The following MAF variants were observed in gnomAD, a reference collection of about 807,000 sequenced individuals.
MAF encodes MAF bZIP transcription factor.
Under a neutral mutation model 22.0 loss-of-function variants are expected in MAF, and 10 were observed. That is an observed-to-expected ratio of 0.45 (90% CI 0.28 to 0.77). The LOEUF (loss-of-function observed/expected upper bound fraction) is 0.77. Ranked by LOEUF, MAF falls within the 30% of genes least tolerant of loss-of-function variation. The pLI, the probability that MAF is intolerant of heterozygous loss-of-function variation, is 0.12. For missense variants in MAF, 544 were observed against 548.4 expected, an observed-to-expected ratio of 0.99 and a Z score of 0.08; for synonymous variants, 337 against 255.8, an observed-to-expected ratio of 1.32 and a Z score of -3.03.
the MAF span, among the ~76,000 whole-genome samples, chr16:79,431,665 C>T: frequency 0.32 from 48,999 of 152,042 alleles, 8,842 homozygotes; most frequent in African/African-American, 0.47. Flanking sequence ...GAATGCTAAC[C>T]TGTGTTTTCC....
At chr16:79,500,367 G>A in the MAF span, among the ~76,000 whole-genome samples, 1 of 152,234 alleles carries the variant, frequency 6.6e-6, no homozygotes, top group South Asian at 2.1e-4. Context: ...TGCTCTTTGG[G>A]GTTAGGCAAA....
At chr16:79,265,474 C>G in the MAF span, among the ~76,000 whole-genome samples, 114 of 151,632 alleles carry the variant, frequency 7.5e-4, no homozygotes, top group African/African-American at 2.8e-3. Context: ...TCTCCCTTAT[C>G]CAAGTACGAT....
At chr16:79,542,919 T>A in the MAF span, among the ~76,000 whole-genome samples, 1 of 152,232 alleles carries the variant, frequency 6.6e-6, no homozygotes, top group Non-Finnish European at 1.5e-5. Flanking sequence ...ACATCTGACC[T>A]ATAATAGTAA....
At chr16:79,212,718 GTTTTTC>G in the MAF span, 9 of 149,686 alleles carry the variant, frequency 6.0e-5, no homozygotes, top group African/African-American at 2.2e-4. Context: ...GTTTGTTTTT[GTTTTTC>G]ATTTTTTAGA....
At chr16:79,406,636 T>C in the MAF span, among the ~76,000 whole-genome samples, 10 of 152,132 alleles carry the variant, frequency 6.6e-5, no homozygotes, top group Non-Finnish European at 1.2e-4. Context: ...TACCATCACA[T>C]TGGGGGATAG....
the MAF span, among the ~76,000 whole-genome samples, chr16:79,470,348 T>C: frequency 1.3e-5 from 2 of 152,026 alleles, no homozygotes; most frequent in Non-Finnish European, 2.9e-5. Flanking sequence ...GGGCAGGTCA[T>C]GTTACTGAGC....
chr16:79,305,904 A>C, the MAF span, among the ~76,000 whole-genome samples: 1 of 152,188 alleles, frequency 6.6e-6, no homozygotes, highest in Non-Finnish European at 1.5e-5. Context: ...GGACCACAGC[A>C]TGCTTTTCTG....
chr16:79,258,578 G>A, the MAF span, among the ~76,000 whole-genome samples: 1 of 152,200 alleles, frequency 6.6e-6, no homozygotes, highest in African/African-American at 2.4e-5. Flanking sequence ...GGGCATTTGT[G>A]GGCACTCAAG....
the MAF span, among the ~76,000 whole-genome samples, chr16:79,328,059 A>T: frequency 6.6e-6 from 1 of 152,270 alleles, no homozygotes; most frequent in East Asian, 1.9e-4. Context: ...CAACCCTGTG[A>T]GTTGTAAGGA....
chr16:79,584,771 G>A (rs1224522053), downstream of MAF, among the ~76,000 whole-genome samples: 5 of 152,134 alleles, frequency 3.3e-5, no homozygotes, highest in African/African-American at 1.2e-4. Flanking sequence ...AGCTATTAAA[G>A]AAAACATTAA....
the MAF span, among the ~76,000 whole-genome samples, chr16:79,442,195 T>A: frequency 3.9e-5 from 6 of 152,286 alleles, no homozygotes; most frequent in African/African-American, 1.4e-4. Flanking sequence ...ACAGCAAGAA[T>A]AGGAATCTAA....
the MAF span, among the ~76,000 whole-genome samples, chr16:79,350,866 A>AGTGTGTGTGT: frequency 5.6e-4 from 83 of 148,404 alleles, no homozygotes; most frequent in Admixed American, 1.9e-3. Context: ...AACAGTGAGA[A>AGTGTGTGTGT]GTGTGTGTGT....
chr16:79,566,615 T>C, the MAF span, among the ~76,000 whole-genome samples: 10 of 152,200 alleles, frequency 6.6e-5, no homozygotes, highest in East Asian at 3.9e-4. Context: ...CAAGTGTGGA[T>C]CTTGGGGGAA....
chr16:79,508,251 G>C, the MAF span, among the ~76,000 whole-genome samples: 4 of 152,196 alleles, frequency 2.6e-5, no homozygotes, highest in African/African-American at 9.7e-5. Flanking sequence ...GTGGTGTCTG[G>C]ATTGGCTGAG....
At chr16:79,374,184 C>A in the MAF span, among the ~76,000 whole-genome samples, 2 of 152,136 alleles carry the variant, frequency 1.3e-5, no homozygotes, top group Non-Finnish European at 2.9e-5. Flanking sequence ...AACTTGTGCC[C>A]CTATTTGTTT....
the MAF span, among the ~76,000 whole-genome samples, chr16:79,530,851 G>A: frequency 1.3e-5 from 2 of 152,164 alleles, no homozygotes; most frequent in Admixed American, 6.5e-5. Context: ...ATGGGTGGAA[G>A]GAATGGAAAT....
chr16:79,551,338 G>T, the MAF span, among the ~76,000 whole-genome samples: 3 of 152,162 alleles, frequency 2.0e-5, no homozygotes. Context: ...TTCCCTTGTA[G>T]CCATTCTCTG....
At chr16:79,593,547 A>G (rs533374014), downstream of MAF, among the ~76,000 whole-genome samples, 1 of 152,202 alleles carries the variant, frequency 6.6e-6, no homozygotes, top group Non-Finnish European at 1.5e-5. Flanking sequence ...GCATTCAGTA[A>G]TAAACAGCAT....
downstream of MAF, among the ~76,000 whole-genome samples, chr16:79,581,401 A>AG (rs1242250692): frequency 6.6e-6 from 1 of 152,198 alleles, no homozygotes; most frequent in African/African-American, 2.4e-5. Context: ...AACTTTGCAG[A>AG]GGGGGGAGTC....
Sources: gnomAD v4.1 joint callset for allele counts (sites outside exome capture counted in the v4.1 genomes callset) on GRCh38, gnomAD v4.1.1 for gene constraint, MANE v1.5 for transcripts, NCBI Gene and HGNC (gene_info 2026-07-23, HGNC 2026-07-21) for gene names.